HS6ST2: variants seen among roughly 807,000 people sequenced by gnomAD.
The protein encoded by HS6ST2 is heparan-sulfate 6-O-sulfotransferase 2.
A neutral mutation model predicts 33.0 loss-of-function variants in HS6ST2; 17 were observed. The observed-to-expected ratio is 0.52, with a 90% confidence interval of 0.35 to 0.77. HS6ST2 has a LOEUF of 0.77. HS6ST2 is among the 30% of genes least tolerant of loss of function. The pLI is 0.01. For synonymous variants in HS6ST2, 248 were observed against 237.1 expected, an observed-to-expected ratio of 1.05 and a Z score of -0.42; for missense variants, 519 against 551.7, an observed-to-expected ratio of 0.94 and a Z score of 0.59.
chrX:132,958,730 T>TGACCTCCGTACTCCAAG, upstream of HS6ST2: 1 of 629,224 alleles, frequency 1.6e-6, no homozygotes, highest in Non-Finnish European at 2.3e-6. Flanking sequence ...TTTCTTGGAG[T>TGACCTCCGTACTCCAAG]ACGGAGGTCA....
chrX:132,943,389 C>G, intron 2 of HS6ST2, among the ~76,000 whole-genome samples: 1 of 111,519 alleles, frequency 9.0e-6, no homozygotes, highest in African/African-American at 3.3e-5. Flanking sequence ...GTTCTGTTTT[C>G]TCATCTTTAA....
intron 2 of HS6ST2, among the ~76,000 whole-genome samples, chrX:132,790,814 T>G (rs927488248): frequency 2.7e-5 from 3 of 112,070 alleles, no homozygotes; most frequent in Non-Finnish European, 5.6e-5. Context: ...AAATGCCTAT[T>G]ACATTTTCTT....
intron 2 of HS6ST2, among the ~76,000 whole-genome samples, chrX:132,954,192 C>T (rs2148506417): frequency 8.9e-6 from 1 of 111,902 alleles, no homozygotes; most frequent in South Asian, 3.8e-4. Flanking sequence ...AGGATCTGGT[C>T]GAGGGTCACA....
chrX:132,717,282 G>T (rs2064283677), intron 2 of HS6ST2, among the ~76,000 whole-genome samples: 1 of 112,938 alleles, frequency 8.9e-6, no homozygotes, highest in South Asian at 3.6e-4. Context: ...AAGAGGCCAT[G>T]TGCTAGAGTG....
intron 2 of HS6ST2, among the ~76,000 whole-genome samples, chrX:132,725,954 A>T (rs927016666): frequency 9.0e-6 from 1 of 111,010 alleles, no homozygotes; most frequent in Non-Finnish European, 1.9e-5. Flanking sequence ...GGGATCTAAA[A>T]ATCAAAACAA....
intron 2 of HS6ST2, among the ~76,000 whole-genome samples, chrX:132,763,869 A>G (rs946969777): frequency 8.9e-6 from 1 of 112,747 alleles, no homozygotes; most frequent in Non-Finnish European, 1.9e-5. Context: ...TTTGGATTTC[A>G]ATCACAGAGA....
At chrX:132,669,422 G>A in intron 3 of HS6ST2, 2 of 287,237 alleles carry the variant, frequency 7.0e-6, no homozygotes, top group Non-Finnish European at 1.2e-5. Context: ...TTCAAAGAAA[G>A]CTATCCTTTT....
At chrX:132,706,373 T>C (rs1187935814) in intron 3 of HS6ST2, among the ~76,000 whole-genome samples, 1 of 112,187 alleles carries the variant, frequency 8.9e-6, no homozygotes, top group Non-Finnish European at 1.9e-5. Flanking sequence ...GTTCAAGGCA[T>C]TGATTGCTAA....
chrX:132,861,145 C>G (rs919852969), intron 2 of HS6ST2, among the ~76,000 whole-genome samples: 1 of 111,284 alleles, frequency 9.0e-6, no homozygotes, highest in Non-Finnish European at 1.9e-5. Flanking sequence ...AAATGTGTAT[C>G]CTGCTGTTTT....
intron 4 of HS6ST2, among the ~76,000 whole-genome samples, chrX:132,659,484 G>A (rs2063755103): frequency 9.0e-6 from 1 of 111,539 alleles, no homozygotes; most frequent in Non-Finnish European, 1.9e-5. Context: ...AGGCAATATT[G>A]CCCTTATTCT....
intron 3 of HS6ST2, 48 bp from the exon 4 acceptor site, chrX:132,669,247 G>A: frequency 4.6e-6 from 5 of 1,084,621 alleles, no homozygotes; most frequent in Non-Finnish European, 6.3e-6. Flanking sequence ...AAGGACCACA[G>A]AGACAAAAAG....
chrX:132,939,900 T>TCCCTAAAAAAATCCCAG (rs2066869753), intron 2 of HS6ST2, among the ~76,000 whole-genome samples: 1 of 111,281 alleles, frequency 9.0e-6, no homozygotes, highest in Non-Finnish European at 1.9e-5. Context: ...TTTAATACAA[T>TCCCTAAAAAAATCCCAG]CCCTAAAAAA....
chrX:132,862,762 G>A (rs1189743936), intron 2 of HS6ST2, among the ~76,000 whole-genome samples: 1 of 111,959 alleles, frequency 8.9e-6, no homozygotes, highest in African/African-American at 3.2e-5. Flanking sequence ...GTGTAGGGTT[G>A]CCGTGACAAC....
At chrX:132,637,876 ATAT>A (rs1334131120) in intron 4 of HS6ST2, among the ~76,000 whole-genome samples, 19 of 33,755 alleles carry the variant, frequency 5.6e-4, no homozygotes, top group African/African-American at 5.6e-3. Flanking sequence ...ATTATATATA[ATAT>A]ATATATAATA....
chrX:132,956,435 A>C (rs964959975), intron 2 of HS6ST2, among the ~76,000 whole-genome samples: 2 of 111,369 alleles, frequency 1.8e-5, no homozygotes, highest in Non-Finnish European at 3.8e-5. Context: ...AGAGTAGAAG[A>C]AAGCAGGGAT....
Position 132,628,167 on chromosome X carries a change from A to T in HS6ST2, c.*56T>A. The T allele has an allele frequency of 1.3e-5, 11 of 850,717 alleles. No individual in the cohort carries two copies. Among genetic ancestry groups the T allele is most frequent in the Non-Finnish European group, 1.8e-5 (11 of 609,636 alleles). 70.1% of individuals were successfully genotyped at this position (850,717 alleles called of 1,213,427 possible). ...TTTGGACACTTTCATCTTTTAAGCT[A>T]TGCCATCTTTTCAGTGGCGCTTTGG... On this transcript the variant is annotated 3_prime_UTR_variant, in exon 5 of 5. Transcript: ENST00000370833.
intron 3 of HS6ST2, among the ~76,000 whole-genome samples, chrX:132,680,346 T>G (rs1338949956): frequency 2.7e-5 from 3 of 110,925 alleles, no homozygotes; most frequent in Non-Finnish European, 5.7e-5. Context: ...GGAGAGTATG[T>G]GGAAGAAGAT....
At chrX:132,770,115 G>A (rs2064883076) in intron 2 of HS6ST2, among the ~76,000 whole-genome samples, 1 of 111,712 alleles carries the variant, frequency 9.0e-6, no homozygotes, top group South Asian at 3.8e-4. Flanking sequence ...TCTCCTGAGT[G>A]CTGCTATAGT....
At chrX:132,918,066 G>T (rs928078143) in intron 2 of HS6ST2, among the ~76,000 whole-genome samples, 1 of 112,476 alleles carries the variant, frequency 8.9e-6, no homozygotes, top group African/African-American at 3.2e-5. Context: ...AAATTTCCCA[G>T]CTAATAAACA....
Sources: allele counts gnomAD v4.1 joint callset (sites outside exome capture counted in the v4.1 genomes callset), GRCh38; gene constraint gnomAD v4.1.1; transcripts MANE v1.5; gene names NCBI Gene and HGNC (gene_info 2026-07-23, HGNC 2026-07-21).